Variants in ERBB4 observed in about 807,000 individuals in gnomAD.
The protein encoded by ERBB4 is receptor tyrosine-protein kinase erbB-4.
ERBB4 carries 42 observed loss-of-function variants against 158.0 expected under a neutral mutation model. That is an observed-to-expected ratio of 0.27 (90% CI 0.21 to 0.34). The LOEUF (loss-of-function observed/expected upper bound fraction) is 0.34. Among genes scored for constraint, ERBB4 ranks in the 10% least tolerant of loss-of-function variants. ERBB4 has a pLI of 1.00. For missense variants in ERBB4, 1,333 were observed against 1,624.1 expected, an observed-to-expected ratio of 0.82 and a Z score of 3.08; for synonymous variants, 583 against 558.7, an observed-to-expected ratio of 1.04 and a Z score of -0.61.
At chr2:212,451,990 A>C (rs2092452121) in intron 1 of ERBB4, among the ~76,000 whole-genome samples, 1 of 150,746 alleles carries the variant, frequency 6.6e-6, no homozygotes, top group Non-Finnish European at 1.5e-5. Flanking sequence ...CCTACATTGC[A>C]TGGCTTGTGA....
chr2:211,461,066 T>C (rs2064516866), intron 20 of ERBB4, among the ~76,000 whole-genome samples: 1 of 145,582 alleles, frequency 6.9e-6, no homozygotes. Flanking sequence ...TCTCCTTTTG[T>C]AACTCCTAGA....
chr2:212,308,376 G>T (rs2086893913), intron 1 of ERBB4, among the ~76,000 whole-genome samples: 2 of 151,020 alleles, frequency 1.3e-5, no homozygotes, highest in Non-Finnish European at 3.0e-5. Context: ...TTAGATACTA[G>T]TTATAAATGA....
intron 3 of ERBB4, among the ~76,000 whole-genome samples, chr2:211,886,847 C>A (rs2078814034): frequency 1.3e-5 from 2 of 152,210 alleles, no homozygotes; most frequent in African/African-American, 4.8e-5. Context: ...CTGCTCAACT[C>A]CTGCACATTG....
intron 20 of ERBB4, among the ~76,000 whole-genome samples, chr2:211,532,909 C>T (rs961197303): frequency 2.0e-5 from 3 of 151,624 alleles, no homozygotes; most frequent in South Asian, 2.1e-4. Context: ...TATAAACTTT[C>T]GTATCTTTTT....
intron 25 of ERBB4, among the ~76,000 whole-genome samples, chr2:211,420,056 T>C (rs1274412283): frequency 6.6e-6 from 1 of 152,028 alleles, no homozygotes; most frequent in African/African-American, 2.4e-5. Flanking sequence ...TCTTGACTAA[T>C]ATATCATAAT....
Position 211,533,322 on chromosome 2 carries a change from C to T in ERBB4, c.2487+28581G>A, listed in dbSNP as rs188821227. On this transcript the variant is annotated intron_variant, in intron 20 of 27. Transcript: ENST00000342788. ...CATGTCTTCTGTAATTTTACAATTC[C>T]TCCTGTTGTATCCCTGCTCAGTTGT... Among the ~76,000 whole-genome samples, 502 of 152,018 alleles carry T rather than the reference C, an allele frequency of 3.3e-3. 5 individuals are homozygous for T. The highest frequency in any genetic ancestry group is 0.011 in the African/African-American group (470 of 41,490).
At chr2:211,689,771 C>T (rs534310643) in intron 12 of ERBB4, among the ~76,000 whole-genome samples, 5 of 151,766 alleles carry the variant, frequency 3.3e-5, no homozygotes, top group African/African-American at 9.7e-5. Flanking sequence ...TGACATATAT[C>T]GTTATATACA....
chr2:211,424,723 G>T (rs2063587766), intron 22 of ERBB4, among the ~76,000 whole-genome samples: 1 of 152,060 alleles, frequency 6.6e-6, no homozygotes, highest in South Asian at 2.1e-4. Context: ...CTAATTTTAA[G>T]ATCAGCATCT....
intron 12 of ERBB4, among the ~76,000 whole-genome samples, chr2:211,680,852 G>A (rs1232016450): frequency 6.7e-6 from 1 of 149,304 alleles, no homozygotes; most frequent in Non-Finnish European, 1.5e-5. Context: ...TCTGTGTGCA[G>A]CAGTTTTATT....
intron 1 of ERBB4, among the ~76,000 whole-genome samples, chr2:212,188,239 C>CCCCCCCCT (rs1284169772): frequency 7.0e-5 from 1 of 14,372 alleles, no homozygotes; most frequent in Admixed American, 1.2e-3. Flanking sequence ...TCTCTCCCCC[C>CCCCCCCCT]CCCTCTCACC....
chr2:212,262,031 T>C (rs776006549), intron 1 of ERBB4, among the ~76,000 whole-genome samples: 1 of 152,178 alleles, frequency 6.6e-6, no homozygotes, highest in Admixed American at 6.5e-5. Flanking sequence ...ACATATTCAA[T>C]TAGAAATATC....
chr2:211,812,866 T>A (rs1443368673), intron 3 of ERBB4, among the ~76,000 whole-genome samples: 3 of 152,218 alleles, frequency 2.0e-5, no homozygotes. Flanking sequence ...TGGGATATTA[T>A]CTCCTGGTGT....
intron 1 of ERBB4, among the ~76,000 whole-genome samples, chr2:212,352,992 T>A (rs192657252): frequency 6.6e-6 from 1 of 152,186 alleles, no homozygotes; most frequent in Admixed American, 6.5e-5. Flanking sequence ...AATGAAAATA[T>A]CCTTCCTTAG....
intron 2 of ERBB4, among the ~76,000 whole-genome samples, chr2:211,979,160 G>C (rs2081719122): frequency 6.6e-6 from 1 of 152,066 alleles, no homozygotes; most frequent in Non-Finnish European, 1.5e-5. Context: ...TCTCTCCACA[G>C]TATATGAATA....
At chr2:211,902,144 T>C (rs1055344832) in intron 3 of ERBB4, among the ~76,000 whole-genome samples, 2 of 152,144 alleles carry the variant, frequency 1.3e-5, no homozygotes, top group Non-Finnish European at 2.9e-5. Context: ...GATCTCTTCA[T>C]TGTACTATAC....
intron 15 of ERBB4, among the ~76,000 whole-genome samples, chr2:211,659,140 G>A (rs947188484): frequency 2.0e-5 from 3 of 151,722 alleles, no homozygotes; most frequent in Non-Finnish European, 4.4e-5. Flanking sequence ...TCTAAACATT[G>A]GTGAACTAAT....
At chr2:212,286,208 C>G (rs901383449) in intron 1 of ERBB4, among the ~76,000 whole-genome samples, 1 of 152,092 alleles carries the variant, frequency 6.6e-6, no homozygotes, top group African/African-American at 2.4e-5. Context: ...TTACGGTTTA[C>G]TGAAGCATTA....
intron 12 of ERBB4, among the ~76,000 whole-genome samples, chr2:211,680,720 G>C (rs1425031795): frequency 6.6e-6 from 1 of 152,062 alleles, no homozygotes; most frequent in Admixed American, 6.5e-5. Context: ...TTATTAAAAA[G>C]GCCCCTATGG....
At chr2:212,044,903 A>C (rs1479326241) in intron 2 of ERBB4, among the ~76,000 whole-genome samples, 1 of 150,794 alleles carries the variant, frequency 6.6e-6, no homozygotes, top group Non-Finnish European at 1.5e-5. Flanking sequence ...TTTTGATGGG[A>C]TAGATACGAT....
Sources: allele counts gnomAD v4.1 joint callset (sites outside exome capture counted in the v4.1 genomes callset), GRCh38; gene constraint gnomAD v4.1.1; transcripts MANE v1.5; gene names NCBI Gene and HGNC (gene_info 2026-07-23, HGNC 2026-07-21).